PTRH2: variants seen among roughly 807,000 people sequenced by gnomAD.
The protein encoded by PTRH2 is peptidyl-tRNA hydrolase 2, mitochondrial.
PTRH2 carries 10 observed loss-of-function variants against 12.3 expected under a neutral mutation model. The ratio of observed to expected loss-of-function variants is 0.81; its 90% confidence interval spans 0.50 to 1.38. The LOEUF (loss-of-function observed/expected upper bound fraction) is 1.38. Ranked by LOEUF, PTRH2 falls within the 40% of genes most tolerant of loss-of-function variation. The probability of loss-of-function intolerance (pLI) is 0.00; values close to 1 mark genes in which losing one functional copy is unlikely to be tolerated. For synonymous variants in PTRH2, 73 were observed against 77.4 expected (o/e 0.94, Z 0.30); for missense variants, 176 against 214.1 (o/e 0.82, Z 1.11).
chr17:59,706,255 T>A (rs1285981665), intron 1 of PTRH2, among the ~76,000 whole-genome samples: 3 of 152,126 alleles, frequency 2.0e-5, no homozygotes, highest in Non-Finnish European at 1.5e-5. Flanking sequence ...CTATAAAATC[T>A]TCTTCTTGGT....
In PTRH2 at chr17:59,705,942, C is replaced by T. The variant is rs190490641; in HGVS notation, c.-1+1429G>A. The stretch of plus-strand genomic sequence containing the variant: ...AAAAAAAACCCAATAAGATCAAAAA[C>T]AGGACAGTGAAAGTTCCAAAAGTTA... On this transcript the variant is annotated intron_variant, in intron 1 of 1. Transcript: ENST00000393038. 2.3e-3 allele frequency among the ~76,000 whole-genome samples: 341 copies of T among 148,840 alleles called. 4 individuals are homozygous for T. Among genetic ancestry groups the T allele is most frequent in the South Asian group, 0.019 (92 of 4,752 alleles).
chr17:59,698,061 A>G (rs1364808187), intron 1 of PTRH2, 83 bp from the exon 2 acceptor site: 4 of 1,379,220 alleles, frequency 2.9e-6, no homozygotes, highest in Non-Finnish European at 3.9e-6. Context: ...CATTTTGACT[A>G]TACACTTAAT....
intron 1 of PTRH2, among the ~76,000 whole-genome samples, chr17:59,705,754 T>G (rs1467978884): frequency 2.0e-5 from 3 of 151,960 alleles, no homozygotes; most frequent in African/African-American, 7.2e-5. Flanking sequence ...TACAAAAAAT[T>G]TAAATAATTA....
intron 1 of PTRH2, among the ~76,000 whole-genome samples, chr17:59,705,648 G>A (rs2033629361): frequency 6.6e-6 from 1 of 152,036 alleles, no homozygotes; most frequent in African/African-American, 2.4e-5. Flanking sequence ...AGGCTGGTCT[G>A]GAACTCCTGG....
chr17:59,706,641 T>G (rs1301189100), intron 1 of PTRH2, among the ~76,000 whole-genome samples: 1 of 150,580 alleles, frequency 6.6e-6, no homozygotes. Context: ...CTAGTTAATC[T>G]CTTTGTGTGA....
At chr17:59,698,661 T>C (rs899652101) in intron 1 of PTRH2, 16 of 531,630 alleles carry the variant, frequency 3.0e-5, no homozygotes, top group African/African-American at 1.3e-4. Context: ...ACCCAATTAA[T>C]TGAAAATACT....
At chr17:59,702,422 G>A (rs1598259757) in intron 1 of PTRH2, among the ~76,000 whole-genome samples, 1 of 152,186 alleles carries the variant, frequency 6.6e-6, no homozygotes, top group Non-Finnish European at 1.5e-5. Context: ...TAATGCTGTC[G>A]CTAATTAGAC....
chr17:59,707,306 C>G (rs563764728), intron 1 of PTRH2, 65 bp downstream of exon 1: 2 of 152,688 alleles, frequency 1.3e-5, no homozygotes, highest in East Asian at 3.9e-4. Context: ...AGAAACGTTC[C>G]TACTGGCGAG....
chr17:59,702,751 T>G (rs2033575906), intron 1 of PTRH2, among the ~76,000 whole-genome samples: 1 of 152,252 alleles, frequency 6.6e-6, no homozygotes, highest in African/African-American at 2.4e-5. Flanking sequence ...ATGGACTTAC[T>G]GTAGTTTCGC....
intron 1 of PTRH2, among the ~76,000 whole-genome samples, chr17:59,701,983 T>C (rs1353220097): frequency 6.6e-6 from 1 of 151,926 alleles, no homozygotes; most frequent in Non-Finnish European, 1.5e-5. Context: ...GGATTACAGG[T>C]GTGAGCCACT....
chr17:59,699,411 C>A (rs544548418), intron 1 of PTRH2: 1 of 154,920 alleles, frequency 6.5e-6, no homozygotes, highest in Non-Finnish European at 1.4e-5. Context: ...ATTACCAGCA[C>A]GTGCTGCCTC....
chr17:59,706,506 A>G (rs542118067), intron 1 of PTRH2, among the ~76,000 whole-genome samples: 116 of 151,666 alleles, frequency 7.6e-4, no homozygotes, highest in Admixed American at 2.4e-3. Context: ...TTACAACCGA[A>G]AAAAACAAAC....
Position 59,697,468 on chromosome 17 carries a change from T to C in PTRH2, c.511A>G (p.Lys171Glu), listed in dbSNP as rs1403416432. The change falls in exon 2 of 2, where the codon AAA (lysine) becomes GAA (glutamate). Residue 171 changes from lysine (K) to glutamate (E), a missense_variant. Coordinates refer to ENST00000393038, the MANE Select transcript of PTRH2 (RefSeq NM_016077.5). The part of the protein sequence containing the change: ...IGPGPADLID[K>E]VTGHLKLY ...TAAAGTTTTAGGTGACCAGTGACTT[T>C]GTCAATTAGGTCTGCTGGTCCTGGC... The C allele has an allele frequency of 1.2e-6, 2 of 1,612,342 alleles. No homozygotes were observed. Among genetic ancestry groups the C allele is most frequent in the Non-Finnish European group, 8.5e-7 (1 of 1,178,550 alleles).
rs200466198 is a variant in PTRH2 at position 59,697,604 on chromosome 17, G to C, written c.375C>G (p.Thr125=). The C allele has an allele frequency of 5.6e-6, 9 of 1,614,108 alleles. No individual in the cohort carries two copies. Among genetic ancestry groups the C allele is most frequent in the Non-Finnish European group, 7.6e-6 (9 of 1,180,020 alleles). The part of the protein sequence containing the change: ...KVVVKAPDEE[T]LIALLAHAKM... ...TTGCATGGGCCAATAATGCAATCAG[G>C]GTTTCTTCATCAGGAGCTTTGACCA... The change falls in exon 2 of 2, where the codon ACC becomes ACG. Residue 125 remains threonine, a synonymous_variant. Transcript: ENST00000393038.
intron 1 of PTRH2, among the ~76,000 whole-genome samples, chr17:59,702,975 C>T (rs796924087): frequency 3.3e-5 from 5 of 152,238 alleles, no homozygotes; most frequent in East Asian, 1.9e-4. Context: ...GGCTAAACTA[C>T]CATGTTTGGT....
chr17:59,700,462 A>T (rs1414450177), intron 1 of PTRH2: 2 of 152,178 alleles, frequency 1.3e-5, no homozygotes, highest in Admixed American at 1.3e-4. Flanking sequence ...GCACTGCATG[A>T]TTGGCACGGC....
At chr17:59,706,573 A>G (rs10853016) in intron 1 of PTRH2, among the ~76,000 whole-genome samples, 131,170 of 152,098 alleles carry the variant, frequency 0.86, 56,683 homozygotes, top group East Asian at 0.94. Context: ...TCCCTGTATA[A>G]CATATTCCCA....
intron 1 of PTRH2, among the ~76,000 whole-genome samples, chr17:59,703,806 G>A (rs553104892): frequency 2.0e-5 from 3 of 150,046 alleles, no homozygotes; most frequent in African/African-American, 4.9e-5. Context: ...ATGCCCTGCC[G>A]AGCCCTTGTT....
chr17:59,701,697 T>G (rs958231366), intron 1 of PTRH2, among the ~76,000 whole-genome samples: 1 of 143,282 alleles, frequency 7.0e-6, no homozygotes, highest in Non-Finnish European at 1.5e-5. Flanking sequence ...AACTTTGGGG[T>G]TTTTTTGTTT....
Sources: gnomAD v4.1 joint callset for allele counts (sites outside exome capture counted in the v4.1 genomes callset) on GRCh38, gnomAD v4.1.1 for gene constraint, MANE v1.5 for transcripts, NCBI Gene and HGNC (gene_info 2026-07-23, HGNC 2026-07-21) for gene names.